The following LRRC57 variants were observed in gnomAD, a reference collection of about 807,000 sequenced individuals.
LRRC57 encodes the protein leucine-rich repeat-containing protein 57.
Under a neutral mutation model 23.1 loss-of-function variants are expected in LRRC57, and 14 were observed. That is an observed-to-expected ratio of 0.61 (90% CI 0.40 to 0.95). The LOEUF is 0.95. LRRC57 is among the 40% of genes least tolerant of loss of function. LRRC57 has a pLI of 0.00. For missense variants in LRRC57, 236 were observed against 284.4 expected (o/e 0.83, Z 1.22); for synonymous variants, 106 against 115.2 (o/e 0.92, Z 0.51).
Position 42,547,375 on chromosome 15 carries a change from T to G in LRRC57, c.378A>C (p.Gln126His). 2 of 1,614,200 alleles carry G rather than the reference T, an allele frequency of 1.2e-6. No individual in the cohort carries two copies. The highest frequency in any genetic ancestry group is 1.7e-6 in the Non-Finnish European group (2 of 1,180,022). ...CATCCAGGTGCCGTAGGCTACAAAG[T>G]TGGGGAGGTAATGCTCCCAGTTGGT... ...SGNQLGALPP[Q>H]LCSLRHLDVM... is the part of the protein sequence containing the mutation. The change falls in exon 4 of 6, where the codon CAA becomes CAC. Residue 126 changes from glutamine to histidine, a missense_variant. Transcript: ENST00000397130.
chr15:42,534,616 C>T (rs1364016596), downstream of LRRC57, among the ~76,000 whole-genome samples: 1 of 152,136 alleles, frequency 6.6e-6, no homozygotes, highest in Admixed American at 6.5e-5. Context: ...GGCAGCTATA[C>T]CTTTATGACA....
chr15:42,541,668 CTAAGA>C lies in LRRC57; in HGVS notation c.*2410_*2414del, dbSNP rs1371525075. ...TATATAGTTAGTAATAGCTTTGTGA[CTAAGA>C]TAAAATCAGAAAATGACCAAAATGG... is the stretch of plus-strand genomic sequence containing the variant. On this transcript the variant is annotated 3_prime_UTR_variant, in exon 6 of 6. Coordinates refer to ENST00000397130, the MANE Select transcript of LRRC57 (RefSeq NM_153260.3). The C allele has an allele frequency of 1.3e-5, 2 of 151,936 alleles. No individual in the cohort carries two copies. Among genetic ancestry groups the C allele is most frequent in the African/African-American group, 4.8e-5 (2 of 41,356 alleles). 9.4% of individuals were successfully genotyped at this position (151,936 alleles called of 1,614,324 possible).
At chr15:42,547,651 A>C in intron 3 of LRRC57, 122 bp from the exon 4 acceptor site, 1 of 867,578 alleles carries the variant, frequency 1.2e-6, no homozygotes. Context: ...AAACTCCCAC[A>C]TGTGCCATTT....
chr15:42,531,563 G>T, the LRRC57 span: 2 of 996,340 alleles, frequency 2.0e-6, no homozygotes, highest in East Asian at 2.5e-5. Context: ...TAAGTTTTCG[G>T]TTCCACGCTC....
At chr15:42,534,810 A>G (rs975321320), downstream of LRRC57, among the ~76,000 whole-genome samples, 6 of 152,202 alleles carry the variant, frequency 3.9e-5, no homozygotes, top group Non-Finnish European at 7.3e-5. Context: ...TGAAAAGAAT[A>G]CTTTTTTTTC....
chr15:42,548,266 G>C, intron 2 of LRRC57, 22 bp from the exon 3 acceptor site: 3 of 1,614,188 alleles, frequency 1.9e-6, no homozygotes, highest in South Asian at 1.1e-5. Flanking sequence ...AGTTCACAGC[G>C]TGGGGAATCC....
At chr15:42,531,330 G>A in the LRRC57 span, 1 of 826,924 alleles carries the variant, frequency 1.2e-6, no homozygotes, top group Non-Finnish European at 1.8e-6. Flanking sequence ...TTTTCTTGGT[G>A]TGTCAGTTAC....
intron 1 of LRRC57, 65 bp downstream of exon 1, chr15:42,548,628 T>G: frequency 1.6e-6 from 1 of 641,816 alleles, no homozygotes; most frequent in Non-Finnish European, 2.7e-6. Context: ...CCTGCCGCCT[T>G]TGCAGCTCTG....
chr15:42,530,628 T>C, the LRRC57 span, among the ~76,000 whole-genome samples: 2 of 152,162 alleles, frequency 1.3e-5, no homozygotes, highest in Admixed American at 1.3e-4. Context: ...CATGTGCCTA[T>C]TGTCCCAGTT....
intron 3 of LRRC57, 163 bp from the exon 4 acceptor site, chr15:42,547,692 TAGA>T (rs2057667808): frequency 1.0e-5 from 7 of 672,676 alleles, no homozygotes; most frequent in Non-Finnish European, 1.7e-5. Context: ...ACATAGTCTT[TAGA>T]AGGTGAGGGT....
At chr15:42,532,155 G>T in the LRRC57 span, 3 of 151,590 alleles carry the variant, frequency 2.0e-5, no homozygotes, top group Non-Finnish European at 4.4e-5. Flanking sequence ...GCAATAGCGC[G>T]ATCTGGGCTC....
In LRRC57 at chr15:42,539,490, A is replaced by AAAAAAG. The variant is rs1566824404; in HGVS notation, c.*4592_*4593insCTTTTT. The AAAAAAG allele has an allele frequency of 6.7e-6, 1 of 150,266 alleles. No individual in the cohort carries two copies. The highest frequency in any genetic ancestry group is 1.9e-4 in the East Asian group (1 of 5,168). 9.3% of individuals were successfully genotyped at this position (150,266 alleles called of 1,614,324 possible). ...CAGCCTCTGTCTCAAAAAAAAAAAA[A>AAAAAAG]AAAAAAAAGAGACTTAAAAGCCAGG... On this transcript the variant is annotated 3_prime_UTR_variant, in exon 6 of 6. Transcript: ENST00000397130.
the LRRC57 span, chr15:42,531,413 G>A: frequency 9.7e-6 from 15 of 1,544,214 alleles, no homozygotes; most frequent in South Asian, 3.9e-5. Context: ...TGTTTTTCAG[G>A]CTGACACCAA....
chr15:42,545,981 T>C (rs1300736442), intron 4 of LRRC57, among the ~76,000 whole-genome samples: 1 of 152,212 alleles, frequency 6.6e-6, no homozygotes, highest in Non-Finnish European at 1.5e-5. Context: ...CAGTAAGATA[T>C]TTCCATTTAC....
chr15:42,545,377 C>T (rs2057654433), intron 4 of LRRC57, 115 bp from the exon 5 acceptor site: 1 of 619,400 alleles, frequency 1.6e-6, no homozygotes, highest in Non-Finnish European at 2.4e-6. Context: ...TAGTTTTCCC[C>T]TCTTTTACCA....
Position 42,541,165 on chromosome 15 carries a change from T to C in LRRC57, c.*2918A>G, listed in dbSNP as rs1283464095. 1 of 152,128 alleles carries C rather than the reference T, an allele frequency of 6.6e-6. No individual in the cohort carries two copies. Among genetic ancestry groups the C allele is most frequent in the Non-Finnish European group, 1.5e-5 (1 of 68,024 alleles). The allele number at this position is 152,128 out of a possible 1,614,324, so 9.4% of individuals were successfully genotyped here. A position where few individuals can be genotyped will look rare whatever the true frequency, so the allele number is the denominator to read the frequency against. The stretch of plus-strand genomic sequence containing the variant: ...TTTAGAAAAAACAAAACTCCTAAAC[T>C]GGTATGGATAAACTAGTACCCCTTT... On this transcript the variant is annotated 3_prime_UTR_variant, in exon 6 of 6. Transcript: ENST00000397130.
chr15:42,535,153 A>G (rs1329317768), downstream of LRRC57, among the ~76,000 whole-genome samples: 5 of 152,220 alleles, frequency 3.3e-5, no homozygotes, highest in African/African-American at 9.6e-5. Context: ...TACTGTAGCC[A>G]CCATCATCAT....
chr15:42,537,229 T>A (rs1472654359), downstream of LRRC57, among the ~76,000 whole-genome samples: 13 of 109,046 alleles, frequency 1.2e-4, no homozygotes, highest in Non-Finnish European at 2.2e-4. Context: ...TCTCTCTCTC[T>A]CTCTCACACA....
chr15:42,547,493 A>G lies in LRRC57; in HGVS notation c.260T>C (p.Leu87Pro). 1 of 1,613,572 alleles carries G rather than the reference A, an allele frequency of 6.2e-7. No individual in the cohort carries two copies. Among genetic ancestry groups the G allele is most frequent in the Non-Finnish European group, 8.5e-7 (1 of 1,179,594 alleles). ...LPDEICNLKK[L>P]ETLSLNNNHL... ...ATTGTTGTTTAGGCTTAGCGTCTCT[A>G]GTTTTTTCAGATTGCATATCTCATC... The change falls in exon 4 of 6, where the codon CTA becomes CCA. Residue 87 changes from leucine (L) to proline (P), a missense_variant. By Grantham distance (98) the Leu-to-Pro change is moderately conservative. Coordinates refer to ENST00000397130, the MANE Select transcript of LRRC57 (RefSeq NM_153260.3).
Sources: allele counts gnomAD v4.1 joint callset (sites outside exome capture counted in the v4.1 genomes callset), GRCh38; gene constraint gnomAD v4.1.1; transcripts MANE v1.5; gene names NCBI Gene and HGNC (gene_info 2026-07-23, HGNC 2026-07-21).